HERC3: variants seen among roughly 807,000 people sequenced by gnomAD.
HERC3 encodes HECT and RLD domain containing E3 ubiquitin protein ligase 3.
HERC3 carries 58 observed loss-of-function variants against 129.9 expected under a neutral mutation model. The ratio of observed to expected loss-of-function variants is 0.45; its 90% confidence interval spans 0.36 to 0.56. The LOEUF (loss-of-function observed/expected upper bound fraction) is 0.56. HERC3 is among the 20% of genes least tolerant of loss of function. The probability of loss-of-function intolerance (pLI) is 0.00; values close to 1 mark genes in which losing one functional copy is unlikely to be tolerated. For missense variants in HERC3, 835 were observed against 1,244.2 expected (o/e 0.67, Z 4.95); for synonymous variants, 430 against 451.0 (o/e 0.95, Z 0.59).
upstream of HERC3, among the ~76,000 whole-genome samples, chr4:88,591,314 A>G (rs559011349): frequency 1.3e-5 from 2 of 152,236 alleles, no homozygotes; most frequent in African/African-American, 4.8e-5. Flanking sequence ...GTACTGGACA[A>G]TTTGCATTAT....
chr4:88,531,888 G>C, the HERC3 span, among the ~76,000 whole-genome samples: 24,754 of 152,116 alleles, frequency 0.16, 2,094 homozygotes, highest in African/African-American at 0.2. Flanking sequence ...CCACAGCAGT[G>C]GTTGCAGTAA....
the HERC3 span, among the ~76,000 whole-genome samples, chr4:88,572,638 G>A: frequency 3.4e-5 from 5 of 148,858 alleles, no homozygotes; most frequent in Non-Finnish European, 7.4e-5. Context: ...GTGAAAACCC[G>A]TCTCTACTAA....
chr4:88,625,164 A>AT (rs879646110), intron 3 of HERC3, among the ~76,000 whole-genome samples: 109 of 151,400 alleles, frequency 7.2e-4, no homozygotes, highest in Non-Finnish European at 4.7e-4. Flanking sequence ...ATTTTTCAGA[A>AT]TTTTTTTTTG....
chr4:88,637,310 C>A (rs1410932939), intron 3 of HERC3, among the ~76,000 whole-genome samples: 1 of 152,036 alleles, frequency 6.6e-6, no homozygotes, highest in Non-Finnish European at 1.5e-5. Flanking sequence ...CCTGTGGTCC[C>A]AGCTACTCAG....
Position 88,655,422 on chromosome 4 carries a change from A to G in HERC3, c.908+118A>G, listed in dbSNP as rs1390729413. 7 of 1,140,270 alleles carry G rather than the reference A, an allele frequency of 6.1e-6. No individual in the cohort carries two copies. The African/African-American group carries it at 6.2e-5, about 10-fold the overall frequency. The allele number at this position is 1,140,270 out of a possible 1,614,324, so 70.6% of individuals were successfully genotyped here. On this transcript the variant is annotated intron_variant, in intron 8 of 25. Transcript: ENST00000402738. ...CGTCATTTTAAGAGATCTTAACTGCATGCACGCCTATGGTGAAATGTGGAG... is the reference window on the plus strand; with the variant it reads ...CGTCATTTTAAGAGATCTTAACTGCGTGCACGCCTATGGTGAAATGTGGAG...
the HERC3 span, among the ~76,000 whole-genome samples, chr4:88,560,718 A>T: frequency 6.6e-6 from 1 of 152,028 alleles, no homozygotes; most frequent in African/African-American, 2.4e-5. Flanking sequence ...TATAGTTTCT[A>T]GTCTTTTATT....
Position 88,673,280 on chromosome 4 carries a change from G to T in HERC3, c.1912-2938G>T, listed in dbSNP as rs149557252. Among the ~76,000 whole-genome samples the T allele has an allele frequency of 1.1e-3, 168 of 152,302 alleles. 2 individuals are homozygous for T. The highest frequency in any genetic ancestry group is 1.4e-3 in the Admixed American group (22 of 15,286). On this transcript the variant is annotated intron_variant, in intron 16 of 25. Coordinates refer to ENST00000402738, the MANE Select transcript of HERC3 (RefSeq NM_014606.3). Reference sequence around the variant, plus strand: ...ATTGTGCACGTGTGAGACAAGACAGGCACTAAGGCAGAGGAGGCTGTATTT... The same window carrying T: ...ATTGTGCACGTGTGAGACAAGACAGTCACTAAGGCAGAGGAGGCTGTATTT...
intron 23 of HERC3, chr4:88,693,572 A>T: frequency 1.1e-6 from 1 of 944,294 alleles, no homozygotes; most frequent in Non-Finnish European, 1.3e-6. Flanking sequence ...GTTGCACAGC[A>T]TTATGAATGT....
chr4:88,678,000 A>T lies in HERC3; in HGVS notation c.2062A>T (p.Met688Leu). ...TGGAGCCAACCTGCAGAATGTCTTCATGCTTCTCACCCTGGAGCCTCTGCT... is the reference window on the plus strand; with the variant it reads ...TGGAGCCAACCTGCAGAATGTCTTCTTGCTTCTCACCCTGGAGCCTCTGCT... ...VNGANLQNVF[M>L]LLTLEPLLAR... The change falls in exon 19 of 26, where the codon ATG becomes TTG. Residue 688 changes from methionine (M) to leucine (L), a missense_variant. Physicochemically the swap from Met to Leu is conservative, Grantham distance 15. Coordinates refer to ENST00000402738, the MANE Select transcript of HERC3 (RefSeq NM_014606.3). 1 of 1,613,622 alleles carries T rather than the reference A, an allele frequency of 6.2e-7. No homozygotes were observed.
At chr4:88,548,270 C>T in the HERC3 span, among the ~76,000 whole-genome samples, 1 of 152,148 alleles carries the variant, frequency 6.6e-6, no homozygotes, top group African/African-American at 2.4e-5. Flanking sequence ...TAAGAAATTT[C>T]CAGACTGTTT....
At chr4:88,536,512 T>C in the HERC3 span, among the ~76,000 whole-genome samples, 1 of 152,222 alleles carries the variant, frequency 6.6e-6, no homozygotes, top group Non-Finnish European at 1.5e-5. Context: ...TTACAAGTAT[T>C]CTTTTATATG....
rs764680202 is a variant in HERC3 at position 88,678,034 on chromosome 4, G to T, written c.2096G>T (p.Ser699Ile). The T allele has an allele frequency of 3.1e-6, 5 of 1,613,832 alleles. No individual in the cohort carries two copies. In the African/African-American group the frequency reaches 6.7e-5, roughly 22 times the overall value. Reference sequence around the variant, plus strand: ...ACCCTGGAGCCTCTGCTGGCCAGAAGCCCCTTCCTGGTCCTTCACGTTCGC... The same window carrying T: ...ACCCTGGAGCCTCTGCTGGCCAGAATCCCCTTCCTGGTCCTTCACGTTCGC... ...LLTLEPLLAR[S>I]PFLVLHVRRN... Residue 699 changes from serine to isoleucine, a missense_variant, in exon 19 of 26, where the codon AGC becomes ATC. Physicochemically the swap from Ser to Ile is moderately radical, Grantham distance 142. Coordinates refer to ENST00000402738, the MANE Select transcript of HERC3 (RefSeq NM_014606.3).
At chr4:88,671,231 A>C (rs1042200710) in intron 16 of HERC3, among the ~76,000 whole-genome samples, 2 of 152,168 alleles carry the variant, frequency 1.3e-5, no homozygotes, top group South Asian at 2.1e-4. Context: ...TAATTTGGTT[A>C]TTGTATTTTG....
the HERC3 span, chr4:88,524,693 A>C: frequency 6.6e-5 from 10 of 152,332 alleles, no homozygotes; most frequent in Admixed American, 3.9e-4. Flanking sequence ...CATTCGAAGA[A>C]CATTTAGAAA....
intron 23 of HERC3, among the ~76,000 whole-genome samples, chr4:88,695,071 C>G (rs1045602586): frequency 1.3e-5 from 2 of 152,098 alleles, no homozygotes; most frequent in Admixed American, 6.5e-5. Context: ...ATGATAGTCT[C>G]TCTCATTCCT....
rs1452506290 is a variant in HERC3, at chr4:88,654,431, T to TAATGTAGATTATATAAA, written c.777+314_777+330dup. Among the ~76,000 whole-genome samples, 3 of 144,558 alleles carry TAATGTAGATTATATAAA rather than the reference T, an allele frequency of 2.1e-5. No individual in the cohort carries two copies. In the East Asian group the frequency reaches 5.9e-4, roughly 28 times the overall value. The allele number at this position is 144,558 out of a possible 152,430, so 94.8% of individuals were successfully genotyped here. ...TAGATTATATATATATACACACATA[T>TAATGTAGATTATATAAA]AATGTAGATTATATAAAAATGTAGA... On this transcript the variant is annotated intron_variant, in intron 7 of 25. Coordinates refer to ENST00000402738, the MANE Select transcript of HERC3 (RefSeq NM_014606.3).
the HERC3 span, among the ~76,000 whole-genome samples, chr4:88,559,946 A>G: frequency 9.4e-5 from 14 of 148,822 alleles, no homozygotes; most frequent in Admixed American, 9.3e-4. Context: ...CCTAGCCAAC[A>G]GTTGTTATTT....
the HERC3 span, among the ~76,000 whole-genome samples, chr4:88,549,886 C>T: frequency 6.6e-6 from 1 of 152,030 alleles, no homozygotes; most frequent in African/African-American, 2.4e-5. Context: ...TACTAGCAGC[C>T]AGCCTGCGGA....
intron 23 of HERC3, 122 bp from the exon 24 acceptor site, chr4:88,703,976 C>T (rs1455921827): frequency 2.3e-6 from 2 of 887,082 alleles, no homozygotes; most frequent in African/African-American, 1.7e-5. Context: ...CTTAGGATGC[C>T]TCCTGATTTG....
Sources: gnomAD v4.1 joint callset for allele counts (sites outside exome capture counted in the v4.1 genomes callset) on GRCh38, gnomAD v4.1.1 for gene constraint, MANE v1.5 for transcripts, NCBI Gene and HGNC (gene_info 2026-07-23, HGNC 2026-07-21) for gene names.